Variants in PLXDC2 observed in about 807,000 individuals in gnomAD.
PLXDC2 encodes plexin domain containing 2.
A neutral mutation model predicts 68.9 loss-of-function variants in PLXDC2; 40 were observed. The ratio of observed to expected loss-of-function variants is 0.58; its 90% confidence interval spans 0.45 to 0.76. The LOEUF is 0.76. PLXDC2 is among the 30% of genes least tolerant of loss of function. The pLI is 0.00. For synonymous variants in PLXDC2, 243 were observed against 234.2 expected, an observed-to-expected ratio of 1.04 and a Z score of -0.34; for missense variants, 644 against 661.9, an observed-to-expected ratio of 0.97 and a Z score of 0.30.
At chr10:19,990,263 A>C in intron 1 of PLXDC2, among the ~76,000 whole-genome samples, 1 of 152,150 alleles carries the variant, frequency 6.6e-6, no homozygotes, top group East Asian at 1.9e-4. Context: ...ATTTTTAGCA[A>C]AATCCTGGCA....
intron 9 of PLXDC2, among the ~76,000 whole-genome samples, chr10:20,191,925 A>G (rs1277816998): frequency 6.6e-6 from 1 of 152,046 alleles, no homozygotes; most frequent in Non-Finnish European, 1.5e-5. Flanking sequence ...TATTTATAAT[A>G]GCTACCTTTT....
intron 1 of PLXDC2, among the ~76,000 whole-genome samples, chr10:19,964,424 C>A (rs909275481): frequency 1.4e-4 from 21 of 152,142 alleles, no homozygotes; most frequent in African/African-American, 5.1e-4. Flanking sequence ...GCTTCCCATT[C>A]CTGCATAATA....
At chr10:20,179,968 G>A (rs987998291) in intron 9 of PLXDC2, among the ~76,000 whole-genome samples, 4 of 152,026 alleles carry the variant, frequency 2.6e-5, no homozygotes, top group Non-Finnish European at 4.4e-5. Context: ...CACCTGCCAG[G>A]TTGCAGGTGC....
At position 19,847,153 on chromosome 10, in the gene PLXDC2, A is replaced by G. The variant is rs541581213; in HGVS notation, c.112+29962A>G. The stretch of plus-strand genomic sequence containing the variant: ...GAGTCAAACCACAACACTTCCCCCA[A>G]AAAAGAATTTATTGGTCATTGTGTT... On this transcript the variant is annotated intron_variant, in intron 1 of 13. Transcript: ENST00000377252. Among the ~76,000 whole-genome samples, 4 of 152,254 alleles carry G rather than the reference A, an allele frequency of 2.6e-5. No individual in the cohort carries two copies. In the East Asian group the frequency reaches 7.7e-4, roughly 29 times the overall value.
chr10:20,178,992 A>C (rs755680879), intron 9 of PLXDC2, among the ~76,000 whole-genome samples: 1 of 152,166 alleles, frequency 6.6e-6, no homozygotes, highest in Non-Finnish European at 1.5e-5. Context: ...AGTTTTCCAT[A>C]AAGATTATAT....
At chr10:19,957,280 T>C (rs935099872) in intron 1 of PLXDC2, among the ~76,000 whole-genome samples, 3 of 152,152 alleles carry the variant, frequency 2.0e-5, no homozygotes, top group Non-Finnish European at 4.4e-5. Context: ...CTCTTTGTAG[T>C]TCTTTGTTGA....
chr10:20,046,804 T>A, intron 2 of PLXDC2, 65 bp from the exon 3 acceptor site: 1 of 1,478,038 alleles, frequency 6.8e-7, no homozygotes, highest in Non-Finnish European at 9.1e-7. Context: ...TCAATAGGAT[T>A]TTTTTTAAAG....
At chr10:19,902,412 T>C (rs1225997395) in intron 1 of PLXDC2, among the ~76,000 whole-genome samples, 1 of 151,950 alleles carries the variant, frequency 6.6e-6, no homozygotes, top group East Asian at 1.9e-4. Context: ...CATTCCTAAG[T>C]ATTTTATTTT....
chr10:20,156,992 T>A (rs1332281602), intron 6 of PLXDC2, among the ~76,000 whole-genome samples: 2 of 152,208 alleles, frequency 1.3e-5, no homozygotes, highest in Non-Finnish European at 2.9e-5. Flanking sequence ...CTATCATAGC[T>A]CACTGCAGCC....
intron 1 of PLXDC2, among the ~76,000 whole-genome samples, chr10:19,990,112 A>G (rs369393845): frequency 4.6e-5 from 7 of 152,046 alleles, no homozygotes; most frequent in Non-Finnish European, 1.0e-4. Flanking sequence ...TATTTATACA[A>G]TGAAATTCAT....
intron 9 of PLXDC2, among the ~76,000 whole-genome samples, chr10:20,181,258 A>G (rs1178571199): frequency 2.0e-5 from 3 of 152,060 alleles, no homozygotes; most frequent in Non-Finnish European, 4.4e-5. Flanking sequence ...TTGCACTTAA[A>G]GTATTCATTC....
chr10:20,122,541 CGCA>C (rs1833713545), intron 4 of PLXDC2, among the ~76,000 whole-genome samples: 1 of 152,174 alleles, frequency 6.6e-6, no homozygotes, highest in Non-Finnish European at 1.5e-5. Context: ...AGTGGAGTCC[CGCA>C]CAGATGGGAC....
At chr10:20,135,242 A>G (rs1833919048) in intron 4 of PLXDC2, among the ~76,000 whole-genome samples, 1 of 152,214 alleles carries the variant, frequency 6.6e-6, no homozygotes, top group African/African-American at 2.4e-5. Context: ...TAGAGGAAAT[A>G]AACTTGATGG....
chr10:20,169,408 T>C (rs1471797486), intron 7 of PLXDC2, among the ~76,000 whole-genome samples: 1 of 152,348 alleles, frequency 6.6e-6, no homozygotes, highest in East Asian at 1.9e-4. Context: ...CCGTCATATA[T>C]TCATGTGTTG....
intron 4 of PLXDC2, among the ~76,000 whole-genome samples, chr10:20,141,229 G>A (rs1834003136): frequency 6.6e-6 from 1 of 151,980 alleles, no homozygotes; most frequent in Non-Finnish European, 1.5e-5. Context: ...TTGAGAGTGG[G>A]AGCAGTTTCT....
intron 1 of PLXDC2, among the ~76,000 whole-genome samples, chr10:19,913,619 A>G (rs528322476): frequency 6.6e-6 from 1 of 152,284 alleles, no homozygotes; most frequent in South Asian, 2.1e-4. Context: ...TGTAGGGTGA[A>G]TGTGTAAATC....
At chr10:20,012,345 A>ATTTTT (rs1835134510) in intron 2 of PLXDC2, among the ~76,000 whole-genome samples, 1 of 111,356 alleles carries the variant, frequency 9.0e-6, no homozygotes, top group Non-Finnish European at 1.7e-5. Flanking sequence ...GGAGAAGGAG[A>ATTTTT]CTTGCTGTGT....
intron 4 of PLXDC2, among the ~76,000 whole-genome samples, chr10:20,093,856 A>G (rs1425048159): frequency 6.6e-6 from 1 of 151,964 alleles, no homozygotes; most frequent in Non-Finnish European, 1.5e-5. Context: ...TGTATTTTTG[A>G]TAGAAGTGGA....
chr10:19,889,898 C>T (rs187368204), intron 1 of PLXDC2, among the ~76,000 whole-genome samples: 210 of 152,236 alleles, frequency 1.4e-3, no homozygotes, highest in African/African-American at 4.2e-3. Flanking sequence ...AAAAATACTA[C>T]GGGGTTGTTG....
Sources: gnomAD v4.1 joint callset for allele counts (sites outside exome capture counted in the v4.1 genomes callset) on GRCh38, gnomAD v4.1.1 for gene constraint, MANE v1.5 for transcripts, NCBI Gene and HGNC (gene_info 2026-07-23, HGNC 2026-07-21) for gene names.